IQCM: variants seen among roughly 807,000 people sequenced by gnomAD.
The protein encoded by IQCM is IQ motif containing M.
Under a neutral mutation model 57.6 loss-of-function variants are expected in IQCM, and 45 were observed. That is an observed-to-expected ratio of 0.78 (90% confidence interval 0.62 to 1.00). The LOEUF is 1.00. Ranked by LOEUF, IQCM falls within the 50% of genes least tolerant of loss-of-function variation. IQCM has a pLI of 0.00. For synonymous variants in IQCM, 148 were observed against 158.9 expected (o/e 0.93, Z 0.51); for missense variants, 468 against 511.6 (o/e 0.91, Z 0.82).
At chr4:149,436,940 C>T (rs1579052241) in intron 12 of IQCM, among the ~76,000 whole-genome samples, 1 of 152,154 alleles carries the variant, frequency 6.6e-6, no homozygotes, top group Non-Finnish European at 1.5e-5. Context: ...TATACATTTG[C>T]TAATTTAATT....
At chr4:149,354,606 T>A (rs1728827657) in intron 13 of IQCM, among the ~76,000 whole-genome samples, 1 of 151,888 alleles carries the variant, frequency 6.6e-6, no homozygotes, top group South Asian at 2.1e-4. Flanking sequence ...ATATATTTCA[T>A]CAAGCAAGAG....
chr4:149,374,585 G>A (rs1195989795), intron 13 of IQCM, among the ~76,000 whole-genome samples: 1 of 152,084 alleles, frequency 6.6e-6, no homozygotes, highest in African/African-American at 2.4e-5. Flanking sequence ...ATGTTATTTT[G>A]ATAGAAAAAG....
chr4:149,662,905 C>T (rs1317464673), intron 7 of IQCM, among the ~76,000 whole-genome samples: 1 of 151,948 alleles, frequency 6.6e-6, no homozygotes, highest in Non-Finnish European at 1.5e-5. Context: ...TTACATTCTA[C>T]ATTATTATTG....
intron 8 of IQCM, among the ~76,000 whole-genome samples, chr4:149,588,765 T>A (rs193109957): frequency 9.2e-5 from 14 of 151,904 alleles, no homozygotes; most frequent in Admixed American, 5.3e-4. Context: ...AGAAAATAAA[T>A]TTATGTTGTT....
chr4:149,654,422 C>T (rs1759459777), intron 7 of IQCM, among the ~76,000 whole-genome samples: 1 of 151,906 alleles, frequency 6.6e-6, no homozygotes, highest in Non-Finnish European at 1.5e-5. Flanking sequence ...GGCACCAACT[C>T]CCTCATCTCC....
At chr4:149,374,997 GT>G (rs1553957054) in intron 13 of IQCM, among the ~76,000 whole-genome samples, 1,578 of 75,526 alleles carry the variant, frequency 0.021, 9 homozygotes, top group Middle Eastern at 0.057. Context: ...GTGTGTGTGT[GT>G]TGTGTGTGTG....
chr4:149,428,279 C>T (rs149367841), intron 13 of IQCM, among the ~76,000 whole-genome samples: 25 of 151,486 alleles, frequency 1.7e-4, no homozygotes, highest in African/African-American at 5.3e-4. Flanking sequence ...TTCTGGGATG[C>T]GTATTTTTAA....
chr4:149,710,996 G>A (rs2149831528), intron 5 of IQCM: 1 of 152,214 alleles, frequency 6.6e-6, no homozygotes, highest in South Asian at 2.1e-4. Flanking sequence ...GACACTTGGG[G>A]ACATCTTTGG....
chr4:149,691,100 A>G (rs998332373), intron 5 of IQCM: 1 of 152,168 alleles, frequency 6.6e-6, no homozygotes, highest in Non-Finnish European at 1.5e-5. Context: ...AAAAATAGAA[A>G]CATTAAAATA....
At chr4:149,583,115 A>T (rs1752356869) in intron 9 of IQCM, among the ~76,000 whole-genome samples, 1 of 151,660 alleles carries the variant, frequency 6.6e-6, no homozygotes, top group African/African-American at 2.4e-5. Context: ...GAAAGATATT[A>T]GTGTCATATC....
intron 12 of IQCM, among the ~76,000 whole-genome samples, chr4:149,470,805 T>C (rs898034371): frequency 6.6e-6 from 1 of 152,142 alleles, no homozygotes; most frequent in African/African-American, 2.4e-5. Context: ...GAACTCAGGA[T>C]TAAGAAACTC....
At chr4:149,455,373 G>GT in intron 12 of IQCM, among the ~76,000 whole-genome samples, 1 of 152,194 alleles carries the variant, frequency 6.6e-6, no homozygotes, top group East Asian at 1.9e-4. Flanking sequence ...AGACTCTGCA[G>GT]TAAGTATTTC....
chr4:149,374,146 C>T (rs1441941540), intron 13 of IQCM, among the ~76,000 whole-genome samples: 1 of 152,168 alleles, frequency 6.6e-6, no homozygotes. Context: ...CAATGTTAGA[C>T]ACCAAGGTGG....
chr4:149,445,455 A>G (rs1375280498), intron 12 of IQCM, among the ~76,000 whole-genome samples: 3 of 151,852 alleles, frequency 2.0e-5, no homozygotes, highest in African/African-American at 7.2e-5. Flanking sequence ...TTAAAAATTA[A>G]GATTGAAGTC....
chr4:149,391,158 G>A (rs772064963), intron 13 of IQCM, among the ~76,000 whole-genome samples: 7 of 151,896 alleles, frequency 4.6e-5, no homozygotes, highest in Non-Finnish European at 1.0e-4. Flanking sequence ...GTTTTAACTA[G>A]TAGTTTGATC....
chr4:149,686,349 T>A, intron 6 of IQCM, 29 bp downstream of exon 6: 1 of 1,043,478 alleles, frequency 9.6e-7, no homozygotes, highest in Non-Finnish European at 1.2e-6. Context: ...AAATATATAT[T>A]TTCTATAGGT....
intron 13 of IQCM, among the ~76,000 whole-genome samples, chr4:149,372,710 T>C (rs956121214): frequency 1.3e-5 from 2 of 152,130 alleles, no homozygotes; most frequent in African/African-American, 2.4e-5. Flanking sequence ...TTTTTTCTTA[T>C]TAACAAACTA....
intron 5 of IQCM, among the ~76,000 whole-genome samples, chr4:149,732,229 A>G (rs980036574): frequency 4.6e-5 from 7 of 152,164 alleles, no homozygotes; most frequent in Non-Finnish European, 1.0e-4. Context: ...CCCATCTTCC[A>G]AAATTTATTT....
At chr4:149,708,794 C>T (rs768692414) in intron 5 of IQCM, among the ~76,000 whole-genome samples, 42 of 152,112 alleles carry the variant, frequency 2.8e-4, no homozygotes, top group African/African-American at 7.0e-4. Context: ...CTACATGAAA[C>T]GACAAAGGAT....
Sources: allele counts gnomAD v4.1 joint callset (sites outside exome capture counted in the v4.1 genomes callset), GRCh38; gene constraint gnomAD v4.1.1; transcripts MANE v1.5; gene names NCBI Gene and HGNC (gene_info 2026-07-23, HGNC 2026-07-21).